Variants in AGAP1 observed in about 807,000 individuals in gnomAD.
AGAP1 encodes the protein arf-GAP with GTPase, ANK repeat and PH domain-containing protein 1.
In AGAP1, 29 loss-of-function variants were observed where a neutral mutation model predicts 105.3. The ratio of observed to expected loss-of-function variants is 0.28; its 90% CI spans 0.21 to 0.38. The LOEUF (loss-of-function observed/expected upper bound fraction) is 0.38. AGAP1 is among the 10% of genes least tolerant of loss of function. The pLI is 1.00. For missense variants in AGAP1, 998 were observed against 1,165.1 expected (o/e 0.86, Z 2.09); for synonymous variants, 509 against 485.9 (o/e 1.05, Z -0.63).
intron 13 of AGAP1, among the ~76,000 whole-genome samples, chr2:236,010,498 G>T (rs1282946946): frequency 6.6e-6 from 1 of 152,138 alleles, no homozygotes; most frequent in Non-Finnish European, 1.5e-5. Flanking sequence ...TCTTTTCTAA[G>T]TGCATCACTG....
chr2:235,812,439 T>A (rs1958199278), intron 9 of AGAP1, among the ~76,000 whole-genome samples: 1 of 152,192 alleles, frequency 6.6e-6, no homozygotes. Context: ...CTGGAGTTAA[T>A]CCCCTCGTCC....
rs1183930672 is a variant in AGAP1 at position 236,076,671 on chromosome 2, T to G, written c.2114+27390T>G. Among the ~76,000 whole-genome samples, 2 of 152,104 alleles carry G rather than the reference T, an allele frequency of 1.3e-5. No homozygotes were observed. The highest frequency in any genetic ancestry group is 2.9e-5 in the Non-Finnish European group (2 of 68,026). The stretch of plus-strand genomic sequence containing the variant: ...TGGATTAAACAAAATTACAGAGGCT[T>G]CTTTGTGGCACTTAATAATTTCCCA... On this transcript the variant is annotated intron_variant, in intron 16 of 17. Transcript: ENST00000304032. The surrounding 1 kb of genome is among the most constrained non-coding windows in gnomAD (Gnocchi z 4.4).
chr2:235,908,690 G>T lies in AGAP1; in HGVS notation c.1156-48G>T. 1 of 1,371,418 alleles carries T rather than the reference G, an allele frequency of 7.3e-7. No homozygotes were observed. The highest frequency in any genetic ancestry group is 1.7e-5 in the African/African-American group (1 of 59,054). The allele number at this position is 1,371,418 out of a possible 1,614,324, so 85.0% of individuals were successfully genotyped here. ...ACCCTTTTGTTCTAGGTTGTAAAAG[G>T]TCTTTTTTTTTTTTTTATCTCTCTT... On this transcript the variant is annotated intron_variant, in intron 10 of 17. Transcript: ENST00000304032. The surrounding 1 kb of genome is among the most constrained non-coding windows in gnomAD (Gnocchi z 4.4).
intron 12 of AGAP1, among the ~76,000 whole-genome samples, chr2:235,945,569 TC>T (rs1394561244): frequency 7.3e-6 from 1 of 137,770 alleles, no homozygotes; most frequent in African/African-American, 3.0e-5. Context: ...TACAATAATA[TC>T]TTTGCATTTT....
intron 9 of AGAP1, among the ~76,000 whole-genome samples, chr2:235,821,075 A>G (rs1368336171): frequency 6.6e-6 from 1 of 152,238 alleles, no homozygotes; most frequent in African/African-American, 2.4e-5. Flanking sequence ...ATAATTCACT[A>G]GGAGAAAGGG....
intron 16 of AGAP1, among the ~76,000 whole-genome samples, chr2:236,070,119 A>AC (rs1431166570): frequency 6.6e-6 from 1 of 152,034 alleles, no homozygotes; most frequent in Non-Finnish European, 1.5e-5. Flanking sequence ...CTGGGGTGTG[A>AC]CCCCCACATT....
At chr2:235,772,844 G>A (rs1955565631) in intron 6 of AGAP1, among the ~76,000 whole-genome samples, 1 of 152,226 alleles carries the variant, frequency 6.6e-6, no homozygotes, top group African/African-American at 2.4e-5. Flanking sequence ...CCTTCAGGAG[G>A]TCACTGAGTC....
At chr2:235,706,084 G>A (rs1446232463) in intron 1 of AGAP1, among the ~76,000 whole-genome samples, 1 of 152,170 alleles carries the variant, frequency 6.6e-6, no homozygotes, top group Non-Finnish European at 1.5e-5. Context: ...AACAATGAAA[G>A]GAAAATCATC....
chr2:235,696,199 C>A (rs1949989824), intron 1 of AGAP1, among the ~76,000 whole-genome samples: 1 of 152,182 alleles, frequency 6.6e-6, no homozygotes, highest in African/African-American at 2.4e-5. Flanking sequence ...GCGTGCACCC[C>A]CATGCCCAGC....
rs2052868546 is a variant in AGAP1, at chr2:235,934,139, G to A, written c.1483+3216G>A. ...GCAGCAGCAGCAGCCCCTGGGAACT[G>A]CTTAGAAATGTTGATCTCAGGCCCT... On this transcript the variant is annotated intron_variant, in intron 12 of 17. Coordinates refer to ENST00000304032, the MANE Select transcript of AGAP1 (RefSeq NM_001037131.3). The surrounding 1 kb of genome is among the most constrained non-coding windows in gnomAD (Gnocchi z 4.9). Among the ~76,000 whole-genome samples, 1 of 152,204 alleles carries A rather than the reference G, an allele frequency of 6.6e-6. No individual in the cohort carries two copies. Among genetic ancestry groups the A allele is most frequent in the Admixed American group, 6.5e-5 (1 of 15,278 alleles).
chr2:235,588,217 A>G (rs1401860611), intron 1 of AGAP1, among the ~76,000 whole-genome samples: 1 of 138,704 alleles, frequency 7.2e-6, no homozygotes, highest in East Asian at 2.1e-4. Flanking sequence ...TGACAGAGTG[A>G]GACTCCGTCT....
rs1949797314 is a variant in AGAP1, at chr2:235,692,781, G to A, written c.164-16398G>A. 6.6e-6 allele frequency among the ~76,000 whole-genome samples: 1 copy of A among 152,206 alleles called. No homozygotes were observed. Among genetic ancestry groups the A allele is most frequent in the Non-Finnish European group, 1.5e-5 (1 of 68,042 alleles). The stretch of plus-strand genomic sequence containing the variant: ...TACAGCCCGCAGTCACAGGTCTTGC[G>A]GTGGACTTGCTGGTCGGCTGCTCTG... On this transcript the variant is annotated intron_variant, in intron 1 of 17. Coordinates refer to ENST00000304032, the MANE Select transcript of AGAP1 (RefSeq NM_001037131.3). This position sits in a 1 kb window ranked among gnomAD's most constrained non-coding sequence, Gnocchi z 5.8.
rs901499157 is a variant in AGAP1, at chr2:235,692,088, C to T, written c.164-17091C>T. Among the ~76,000 whole-genome samples, 1 of 152,024 alleles carries T rather than the reference C, an allele frequency of 6.6e-6. No homozygotes were observed. The highest frequency in any genetic ancestry group is 1.5e-5 in the Non-Finnish European group (1 of 68,004). On this transcript the variant is annotated intron_variant, in intron 1 of 17. Transcript: ENST00000304032. The surrounding 1 kb of genome is among the most constrained non-coding windows in gnomAD (Gnocchi z 5.8). ...CCAAGTAAACAAAATAAATTCAGAC[C>T]CCAAGTGCGCATATTGAGTTTGAAT...
intron 16 of AGAP1, among the ~76,000 whole-genome samples, chr2:236,079,068 G>T (rs1435252305): frequency 6.6e-6 from 1 of 152,168 alleles, no homozygotes; most frequent in African/African-American, 2.4e-5. Flanking sequence ...TGCCTGGTGG[G>T]TTAGGGCTCC....
chr2:235,848,981 G>A (rs1478932957), intron 9 of AGAP1, among the ~76,000 whole-genome samples: 1 of 152,200 alleles, frequency 6.6e-6, no homozygotes, highest in Non-Finnish European at 1.5e-5. Context: ...TCCTGGCCAT[G>A]TTGTTCCTTA....
In AGAP1 at chr2:235,716,480, A is replaced by G. The variant is rs1429583076; in HGVS notation, c.223-1077A>G. Among the ~76,000 whole-genome samples, 2 of 152,156 alleles carry G rather than the reference A, an allele frequency of 1.3e-5. No individual in the cohort carries two copies. Among genetic ancestry groups the G allele is most frequent in the Non-Finnish European group, 2.9e-5 (2 of 68,038 alleles). On this transcript the variant is annotated intron_variant, in intron 2 of 17. Coordinates refer to ENST00000304032, the MANE Select transcript of AGAP1 (RefSeq NM_001037131.3). The surrounding 1 kb of genome is among the most constrained non-coding windows in gnomAD (Gnocchi z 4.0). ...TTGAGTGGAGGCAGGAGGGAGGTCA[A>G]CAAGTGGAACCGAGAGCAAGCGGGG...
rs779477468 is a variant in AGAP1 at position 235,797,746 on chromosome 2, G to T, written c.674-13G>T. ...GATTGACATGGATTTCTTTTTGTCT[G>T]TGTGTCCACCAGTTGCCCAGAAGAT... is the stretch of plus-strand genomic sequence containing the variant. On this transcript the variant is annotated splice_polypyrimidine_tract_variant and intron_variant, in intron 6 of 17. Transcript: ENST00000304032. 1.6e-5 allele frequency: 26 copies of T among 1,613,780 alleles called. No individual in the cohort carries two copies. The Admixed American group carries it at 4.2e-4, about 26-fold the overall frequency.
intron 9 of AGAP1, among the ~76,000 whole-genome samples, chr2:235,868,794 G>T (rs918515211): frequency 6.6e-6 from 1 of 152,208 alleles, no homozygotes; most frequent in African/African-American, 2.4e-5. Flanking sequence ...AACTTTGTAA[G>T]TTATTTAAAG....
At chr2:235,914,063 C>A (rs1007376975) in intron 11 of AGAP1, among the ~76,000 whole-genome samples, 6 of 151,688 alleles carry the variant, frequency 4.0e-5, no homozygotes, top group African/African-American at 1.5e-4. Context: ...TTTAGAGAGG[C>A]GGGGTCTATT....
Sources: allele counts gnomAD v4.1 joint callset (sites outside exome capture counted in the v4.1 genomes callset), GRCh38; gene constraint gnomAD v4.1.1; non-coding constraint Gnocchi (gnomAD v3.1); transcripts MANE v1.5; gene names NCBI Gene and HGNC (gene_info 2026-07-23, HGNC 2026-07-21).